Variants in RALYL observed in about 807,000 individuals in gnomAD.
RALYL encodes the protein RNA-binding Raly-like protein.
Under a neutral mutation model 35.1 loss-of-function variants are expected in RALYL, and 29 were observed. The observed-to-expected ratio is 0.83, with a 90% confidence interval of 0.61 to 1.13. The LOEUF is 1.13. Ranked by LOEUF, RALYL falls within the 50% of genes most tolerant of loss-of-function variation. The pLI is 0.00. For missense variants in RALYL, 359 were observed against 360.4 expected (o/e 1.00, Z 0.03); for synonymous variants, 120 against 127.6 (o/e 0.94, Z 0.40).
intron 1 of RALYL, among the ~76,000 whole-genome samples, chr8:84,497,651 T>G (rs1168941564): frequency 1.3e-5 from 2 of 148,438 alleles, no homozygotes; most frequent in Non-Finnish European, 1.5e-5. Context: ...TGTTTTTTTT[T>G]TTTTTTTTGA....
intron 1 of RALYL, among the ~76,000 whole-genome samples, chr8:84,430,820 G>C (rs2047063806): frequency 6.6e-6 from 1 of 151,966 alleles, no homozygotes; most frequent in African/African-American, 2.4e-5. Context: ...AAATGTTCCT[G>C]TAATATAACC....
At chr8:84,351,758 T>C (rs181325781) in intron 1 of RALYL, among the ~76,000 whole-genome samples, 1 of 150,556 alleles carries the variant, frequency 6.6e-6, no homozygotes, top group East Asian at 1.9e-4. Context: ...GTTCCATAAC[T>C]TTATTAAAAG....
intron 2 of RALYL, among the ~76,000 whole-genome samples, chr8:84,538,203 G>T (rs1015442107): frequency 2.6e-5 from 4 of 152,122 alleles, no homozygotes; most frequent in Non-Finnish European, 4.4e-5. Context: ...TTCTAAAATT[G>T]CTTATTTGAC....
chr8:84,502,982 G>GA (rs2056836728), intron 1 of RALYL, among the ~76,000 whole-genome samples: 2 of 151,710 alleles, frequency 1.3e-5, no homozygotes, highest in Admixed American at 1.3e-4. Flanking sequence ...GTTTTGAAAG[G>GA]AAAAATACTG....
At chr8:84,472,443 T>A (rs1037359273) in intron 1 of RALYL, among the ~76,000 whole-genome samples, 1 of 152,100 alleles carries the variant, frequency 6.6e-6, no homozygotes, top group Non-Finnish European at 1.5e-5. Flanking sequence ...ATGATAGGAT[T>A]TGGACACGCA....
At chr8:84,339,986 T>G (rs1448429447) in intron 1 of RALYL, among the ~76,000 whole-genome samples, 3 of 152,002 alleles carry the variant, frequency 2.0e-5, no homozygotes, top group East Asian at 3.9e-4. Flanking sequence ...TGGGGATGGG[T>G]TTTTCCCATG....
At chr8:84,546,559 T>C (rs2060373821) in intron 2 of RALYL, among the ~76,000 whole-genome samples, 1 of 152,246 alleles carries the variant, frequency 6.6e-6, no homozygotes, top group Admixed American at 6.5e-5. Context: ...ATGAATTTCT[T>C]AATAATAAAT....
intron 1 of RALYL, among the ~76,000 whole-genome samples, chr8:84,433,616 G>A (rs2132740789): frequency 1.3e-5 from 2 of 151,946 alleles, no homozygotes; most frequent in South Asian, 4.2e-4. Context: ...GTTTATCAGG[G>A]GGTTCTGCTT....
intron 1 of RALYL, among the ~76,000 whole-genome samples, chr8:84,489,822 G>A (rs960238909): frequency 6.6e-6 from 1 of 151,980 alleles, no homozygotes; most frequent in Non-Finnish European, 1.5e-5. Flanking sequence ...GACCCAAAGT[G>A]CATGGAAATA....
intron 2 of RALYL, among the ~76,000 whole-genome samples, chr8:84,555,999 T>C (rs1322702918): frequency 3.9e-5 from 6 of 152,246 alleles, no homozygotes; most frequent in Non-Finnish European, 8.8e-5. Context: ...CCTGCTCACT[T>C]GGGCTTGCCT....
At chr8:84,470,323 G>A (rs1216252333) in intron 1 of RALYL, among the ~76,000 whole-genome samples, 2 of 152,044 alleles carry the variant, frequency 1.3e-5, no homozygotes, top group African/African-American at 4.8e-5. Context: ...TATTTCAGAT[G>A]AAAACTGAAT....
intron 1 of RALYL, among the ~76,000 whole-genome samples, chr8:84,459,082 CA>C (rs925551809): frequency 3.3e-5 from 5 of 151,594 alleles, no homozygotes; most frequent in Non-Finnish European, 5.9e-5. Flanking sequence ...TTAAGTCAAA[CA>C]AATGCAAGCT....
intron 4 of RALYL, among the ~76,000 whole-genome samples, chr8:84,809,068 T>A (rs960650807): frequency 1.3e-5 from 2 of 152,174 alleles, no homozygotes; most frequent in African/African-American, 4.8e-5. Flanking sequence ...AGAGTGGGCA[T>A]CCTTGTTTTG....
At chr8:84,344,128 G>A (rs1305260875) in intron 1 of RALYL, among the ~76,000 whole-genome samples, 1 of 151,782 alleles carries the variant, frequency 6.6e-6, no homozygotes, top group Non-Finnish European at 1.5e-5. Flanking sequence ...ACAGTGGGAG[G>A]ATTTGTTTTC....
intron 8 of RALYL, among the ~76,000 whole-genome samples, chr8:84,920,461 C>T (rs1849142432): frequency 6.6e-6 from 1 of 152,068 alleles, no homozygotes; most frequent in Non-Finnish European, 1.5e-5. Flanking sequence ...GGCTTTTTCT[C>T]CTATCCCAGA....
chr8:84,778,811 C>T (rs1277328163), intron 3 of RALYL, among the ~76,000 whole-genome samples: 1 of 152,056 alleles, frequency 6.6e-6, no homozygotes, highest in Non-Finnish European at 1.5e-5. Flanking sequence ...GAGAGAGAGT[C>T]ACAAATATGT....
chr8:84,438,946 CTTTT>C, intron 1 of RALYL, among the ~76,000 whole-genome samples: 2 of 149,774 alleles, frequency 1.3e-5, no homozygotes, highest in Middle Eastern at 6.8e-3. Context: ...GTCTATGTAT[CTTTT>C]TTTTTTATCA....
At chr8:84,800,001 A>G (rs1822872656) in intron 3 of RALYL, among the ~76,000 whole-genome samples, 1 of 152,166 alleles carries the variant, frequency 6.6e-6, no homozygotes, top group African/African-American at 2.4e-5. Flanking sequence ...AAGACAGTAA[A>G]TTTAGTTTGA....
chr8:84,811,680 C>A (rs915833632), intron 4 of RALYL, among the ~76,000 whole-genome samples: 2 of 152,078 alleles, frequency 1.3e-5, no homozygotes, highest in Non-Finnish European at 2.9e-5. Flanking sequence ...TTTAATATAA[C>A]CCCAGACTTC....
Sources: allele counts gnomAD v4.1 joint callset (sites outside exome capture counted in the v4.1 genomes callset), GRCh38; gene constraint gnomAD v4.1.1; transcripts MANE v1.5; gene names NCBI Gene and HGNC (gene_info 2026-07-23, HGNC 2026-07-21).